DPP10: variants seen among roughly 807,000 people sequenced by gnomAD.
DPP10 encodes dipeptidyl peptidase like 10.
In DPP10, 33 loss-of-function variants were observed where a neutral mutation model predicts 120.9. The observed-to-expected ratio is 0.27, with a 90% confidence interval of 0.21 to 0.37. The LOEUF (loss-of-function observed/expected upper bound fraction) is 0.37. Among genes scored for constraint, DPP10 ranks in the 10% least tolerant of loss-of-function variants. DPP10 has a pLI of 1.00. For missense variants in DPP10, 816 were observed against 942.8 expected (o/e 0.87, Z 1.76); for synonymous variants, 337 against 326.1 (o/e 1.03, Z -0.36).
intron 3 of DPP10, among the ~76,000 whole-genome samples, chr2:115,360,892 G>A (rs1437562176): frequency 6.6e-6 from 1 of 152,188 alleles, no homozygotes; most frequent in Non-Finnish European, 1.5e-5. Context: ...GTTGCTGTGG[G>A]TGTGCAGCTG....
intron 3 of DPP10, among the ~76,000 whole-genome samples, chr2:115,473,911 C>T (rs1402996828): frequency 6.6e-6 from 1 of 152,110 alleles, no homozygotes; most frequent in East Asian, 1.9e-4. Flanking sequence ...AGAGAGAAAG[C>T]ATCTTACTGA....
chr2:114,791,330 G>A (rs145435773), intron 1 of DPP10, among the ~76,000 whole-genome samples: 4 of 152,246 alleles, frequency 2.6e-5, no homozygotes, highest in African/African-American at 7.2e-5. Context: ...CTGAACTAGC[G>A]CTGTAGACTT....
intron 1 of DPP10, among the ~76,000 whole-genome samples, chr2:114,772,461 CTTT>C (rs71297182): frequency 6.6e-6 from 1 of 151,866 alleles, no homozygotes; most frequent in Admixed American, 6.6e-5. Context: ...ACCCAGCCAC[CTTT>C]TTTATTTTCT....
chr2:115,311,859 G>A (rs1032691885), intron 2 of DPP10, among the ~76,000 whole-genome samples: 4 of 151,982 alleles, frequency 2.6e-5, no homozygotes, highest in African/African-American at 7.2e-5. Context: ...TTGAACTTCC[G>A]GGCTCAAGCG....
At chr2:114,904,332 C>T (rs371201797) in intron 1 of DPP10, among the ~76,000 whole-genome samples, 1 of 152,132 alleles carries the variant, frequency 6.6e-6, no homozygotes, top group African/African-American at 2.4e-5. Flanking sequence ...GTTATAAAAT[C>T]GCAAAGAACT....
chr2:115,646,083 TGCACACACATGCACGTGCGTGCGC>T (rs1273989139), intron 5 of DPP10, among the ~76,000 whole-genome samples: 1 of 152,118 alleles, frequency 6.6e-6, no homozygotes, highest in South Asian at 2.1e-4. Flanking sequence ...CACATACACA[TGCACACACATGCACGTGCGTGCGC>T]GCACACACAC....
chr2:115,526,747 A>C (rs147002409), intron 5 of DPP10, among the ~76,000 whole-genome samples: 8 of 152,288 alleles, frequency 5.3e-5, no homozygotes, highest in African/African-American at 1.7e-4. Flanking sequence ...GCCTCATATA[A>C]TGCTTTGAAA....
chr2:115,755,897 TTTTTAA>T, intron 11 of DPP10, among the ~76,000 whole-genome samples: 1 of 150,220 alleles, frequency 6.7e-6, no homozygotes, highest in East Asian at 2.0e-4. Flanking sequence ...ACATATATAC[TTTTTAA>T]AAAGTATATA....
At chr2:114,960,366 GTATATA>G (rs149462158) in intron 1 of DPP10, among the ~76,000 whole-genome samples, 3 of 143,786 alleles carry the variant, frequency 2.1e-5, no homozygotes, top group African/African-American at 7.7e-5. Context: ...GTGTATGTGC[GTATATA>G]TATATATATA....
chr2:114,544,956 A>C (rs1295957907), intron 1 of DPP10, among the ~76,000 whole-genome samples: 2 of 151,798 alleles, frequency 1.3e-5, no homozygotes, highest in Admixed American at 6.6e-5. Context: ...GGTTCAAGAG[A>C]TTCTCCTGCC....
At chr2:115,322,396 A>T (rs2106110741) in intron 2 of DPP10, among the ~76,000 whole-genome samples, 1 of 152,308 alleles carries the variant, frequency 6.6e-6, no homozygotes, top group African/African-American at 2.4e-5. Context: ...TTAGGAGGCA[A>T]ATGTGGCTAT....
At chr2:114,646,064 G>A (rs1169673012) in intron 1 of DPP10, among the ~76,000 whole-genome samples, 2 of 152,142 alleles carry the variant, frequency 1.3e-5, no homozygotes, top group Non-Finnish European at 2.9e-5. Context: ...GGAGGCCGAG[G>A]CAGGAGAATT....
intron 1 of DPP10, among the ~76,000 whole-genome samples, chr2:115,199,525 T>C (rs547876302): frequency 6.6e-6 from 1 of 152,290 alleles, no homozygotes; most frequent in African/African-American, 2.4e-5. Flanking sequence ...AGTTCTTGGT[T>C]TGAATGTAAC....
intron 1 of DPP10, among the ~76,000 whole-genome samples, chr2:114,861,542 G>T (rs1055637122): frequency 3.3e-5 from 5 of 152,114 alleles, no homozygotes; most frequent in Non-Finnish European, 7.4e-5. Flanking sequence ...AAGTATCAAA[G>T]CTACTCAGTG....
intron 1 of DPP10, among the ~76,000 whole-genome samples, chr2:114,821,539 C>A (rs573460114): frequency 6.6e-6 from 1 of 152,318 alleles, no homozygotes; most frequent in East Asian, 1.9e-4. Flanking sequence ...ACTTTCCCAA[C>A]AGTCCCACAA....
At chr2:114,833,209 G>C (rs1010761447) in intron 1 of DPP10, 3 of 151,342 alleles carry the variant, frequency 2.0e-5, no homozygotes, top group African/African-American at 7.3e-5. Context: ...AAAGAAACTA[G>C]ATTTCAATTC....
chr2:115,376,797 T>C (rs1353065952), intron 3 of DPP10, among the ~76,000 whole-genome samples: 24 of 150,356 alleles, frequency 1.6e-4, no homozygotes, highest in African/African-American at 5.1e-4. Context: ...TCAGAATATG[T>C]GGTGTTTGGT....
chr2:114,469,203 C>A (rs925419088), intron 1 of DPP10, among the ~76,000 whole-genome samples: 1 of 151,994 alleles, frequency 6.6e-6, no homozygotes, highest in Non-Finnish European at 1.5e-5. Flanking sequence ...TGTTTTATTC[C>A]ATCATCTTAG....
At chr2:115,071,357 C>T (rs1470254406) in intron 1 of DPP10, among the ~76,000 whole-genome samples, 1 of 152,026 alleles carries the variant, frequency 6.6e-6, no homozygotes, top group Non-Finnish European at 1.5e-5. Context: ...TATTAAAACC[C>T]CAGGGGTTTG....
Sources: gnomAD v4.1 joint callset for allele counts (sites outside exome capture counted in the v4.1 genomes callset) on GRCh38, gnomAD v4.1.1 for gene constraint, MANE v1.5 for transcripts, NCBI Gene and HGNC (gene_info 2026-07-23, HGNC 2026-07-21) for gene names.